The following SHB variants were observed in gnomAD, a reference collection of about 807,000 sequenced individuals.
SHB encodes SH2 domain-containing adapter protein B.
Under a neutral mutation model 52.3 loss-of-function variants are expected in SHB, and 20 were observed. The observed-to-expected ratio is 0.38, with a 90% CI of 0.27 to 0.56. SHB has a LOEUF of 0.56. Ranked by LOEUF, SHB falls within the 20% of genes least tolerant of loss-of-function variation. The pLI is 0.71. For missense variants in SHB, 825 were observed against 723.3 expected, an observed-to-expected ratio of 1.14 and a Z score of -1.61; for synonymous variants, 397 against 316.5, an observed-to-expected ratio of 1.25 and a Z score of -2.70.
At chr9:37,969,090 G>A (rs377111462) in intron 3 of SHB, among the ~76,000 whole-genome samples, 4 of 151,852 alleles carry the variant, frequency 2.6e-5, no homozygotes, top group Admixed American at 1.3e-4. Flanking sequence ...TGTAGATGTC[G>A]CAGAAATTAG....
chr9:38,024,059 T>G (rs1410381442), intron 1 of SHB, among the ~76,000 whole-genome samples: 2 of 152,168 alleles, frequency 1.3e-5, no homozygotes, highest in African/African-American at 2.4e-5. Context: ...GGGAGGTTGG[T>G]TTTCCACTCC....
At chr9:38,022,872 G>C (rs986819234) in intron 1 of SHB, among the ~76,000 whole-genome samples, 7 of 152,222 alleles carry the variant, frequency 4.6e-5, no homozygotes, top group African/African-American at 1.7e-4. Flanking sequence ...CTGGGAAAGG[G>C]AGCTCCTGCT....
chr9:38,003,348 T>TA (rs1171086173), intron 2 of SHB, among the ~76,000 whole-genome samples: 1 of 152,004 alleles, frequency 6.6e-6, no homozygotes, highest in Non-Finnish European at 1.5e-5. Flanking sequence ...ACCCTGGGGC[T>TA]AGGCCATGCC....
At chr9:37,983,148 G>T (rs2117991626) in intron 2 of SHB, among the ~76,000 whole-genome samples, 1 of 152,326 alleles carries the variant, frequency 6.6e-6, no homozygotes, top group South Asian at 2.1e-4. Flanking sequence ...ACACAGCTCA[G>T]CCTCCTTAAT....
intron 3 of SHB, among the ~76,000 whole-genome samples, chr9:37,970,489 G>C (rs895558261): frequency 1.3e-5 from 2 of 151,972 alleles, no homozygotes; most frequent in Non-Finnish European, 2.9e-5. Flanking sequence ...GGGCGCCCCG[G>C]TGGAGAATGC....
At chr9:37,995,458 A>G (rs961935629) in intron 2 of SHB, among the ~76,000 whole-genome samples, 5 of 94,806 alleles carry the variant, frequency 5.3e-5, no homozygotes, top group African/African-American at 1.4e-4. Flanking sequence ...TGCTTTTCCC[A>G]GCTCTGGCCA....
chr9:37,955,108 T>G (rs1288322166), intron 4 of SHB, among the ~76,000 whole-genome samples: 2 of 152,194 alleles, frequency 1.3e-5, no homozygotes, highest in Non-Finnish European at 2.9e-5. Context: ...AGAACACGAC[T>G]GTAGCTAGAA....
intron 2 of SHB, among the ~76,000 whole-genome samples, chr9:38,010,676 A>C (rs1466859443): frequency 1.3e-5 from 2 of 152,110 alleles, no homozygotes; most frequent in South Asian, 2.1e-4. Flanking sequence ...TGCTCATCTC[A>C]GTGCACCCAC....
intron 5 of SHB, among the ~76,000 whole-genome samples, chr9:37,935,953 G>A (rs1832364281): frequency 6.6e-6 from 1 of 151,554 alleles, no homozygotes; most frequent in Admixed American, 6.6e-5. Flanking sequence ...TATAGGCCGG[G>A]CGACTTTAGG....
At chr9:38,052,094 G>A (rs1363163651) in intron 1 of SHB, among the ~76,000 whole-genome samples, 2 of 152,106 alleles carry the variant, frequency 1.3e-5, no homozygotes, top group Admixed American at 6.6e-5. Flanking sequence ...GCCATCATTT[G>A]CCTGGACATC....
At chr9:37,923,836 C>T (rs897434008) in intron 5 of SHB, among the ~76,000 whole-genome samples, 1 of 152,212 alleles carries the variant, frequency 6.6e-6, no homozygotes, top group Non-Finnish European at 1.5e-5. Flanking sequence ...GTACACTACC[C>T]TGGCCCAAGG....
At position 37,934,310 on chromosome 9, in the gene SHB, G is replaced by A. The variant is rs558010973; in HGVS notation, c.1347-14306C>T. On this transcript the variant is annotated intron_variant, in intron 5 of 5. Coordinates refer to ENST00000377707, the MANE Select transcript of SHB (RefSeq NM_003028.3). ...ATGGGGCCGAGAGCTTTTCTGTGGT[G>A]GGAAAGGATGGGGGTCTTGCTTTGT... Among the ~76,000 whole-genome samples, 4 of 152,232 alleles carry A rather than the reference G, an allele frequency of 2.6e-5. No individual in the cohort carries two copies. The South Asian group carries it at 8.3e-4, about 32-fold the overall frequency.
At chr9:38,004,800 G>A (rs560271718) in intron 2 of SHB, among the ~76,000 whole-genome samples, 53 of 152,332 alleles carry the variant, frequency 3.5e-4, no homozygotes, top group Middle Eastern at 3.4e-3. Flanking sequence ...GAAGGAACAC[G>A]GCCACAGGCC....
In SHB at chr9:37,918,020, C is replaced by T. The variant is rs1469049572; in HGVS notation, c.*1801G>A. The stretch of plus-strand genomic sequence containing the variant: ...CCTTGGCGAGTCCTCCTTCTCCGGG[C>T]CTGTGTCTCTGCATGTGAACAGTGA... On this transcript the variant is annotated 3_prime_UTR_variant, in exon 6 of 6. Coordinates refer to ENST00000377707, the MANE Select transcript of SHB (RefSeq NM_003028.3). Among the ~76,000 whole-genome samples, 2 of 152,218 alleles carry T rather than the reference C, an allele frequency of 1.3e-5. No homozygotes were observed. Among genetic ancestry groups the T allele is most frequent in the East Asian group, 1.9e-4 (1 of 5,192 alleles).
chr9:38,024,058 GT>G (rs1016755387), intron 1 of SHB, among the ~76,000 whole-genome samples: 13 of 152,344 alleles, frequency 8.5e-5, no homozygotes, highest in Non-Finnish European at 1.8e-4. Context: ...GGGGAGGTTG[GT>G]TTTCCACTCC....
intron 5 of SHB, among the ~76,000 whole-genome samples, chr9:37,928,273 C>A (rs1832273404): frequency 2.0e-5 from 3 of 152,214 alleles, no homozygotes; most frequent in African/African-American, 7.2e-5. Context: ...GGTGGGTACA[C>A]TGGCCACAGT....
chr9:38,024,850 T>C (rs2118098891), intron 1 of SHB, among the ~76,000 whole-genome samples: 1 of 152,298 alleles, frequency 6.6e-6, no homozygotes, highest in South Asian at 2.1e-4. Flanking sequence ...AAAGGATCCC[T>C]GGGGGATGGT....
At chr9:37,981,864 T>C (rs1469238678) in intron 2 of SHB, among the ~76,000 whole-genome samples, 1 of 152,176 alleles carries the variant, frequency 6.6e-6, no homozygotes. Context: ...ACATAACATT[T>C]ATTAAGTTCG....
chr9:37,996,154 G>A (rs1330987337), intron 2 of SHB, among the ~76,000 whole-genome samples: 1 of 152,238 alleles, frequency 6.6e-6, no homozygotes, highest in African/African-American at 2.4e-5. Context: ...TAGTCAGCCA[G>A]GGTCTGCAGG....
Sources: allele counts gnomAD v4.1 joint callset (sites outside exome capture counted in the v4.1 genomes callset), GRCh38; gene constraint gnomAD v4.1.1; transcripts MANE v1.5; gene names NCBI Gene and HGNC (gene_info 2026-07-23, HGNC 2026-07-21).